Variants in CACNA2D3 observed in about 807,000 individuals in gnomAD.
CACNA2D3 encodes voltage-dependent calcium channel subunit alpha-2/delta-3.
A neutral mutation model predicts 160.6 loss-of-function variants in CACNA2D3; 60 were observed. That is an observed-to-expected ratio of 0.37 (90% confidence interval 0.30 to 0.46). The LOEUF is 0.46. Among genes scored for constraint, CACNA2D3 ranks in the 20% least tolerant of loss-of-function variants. The pLI is 1.00. For synonymous variants in CACNA2D3, 558 were observed against 492.9 expected, an observed-to-expected ratio of 1.13 and a Z score of -1.75; for missense variants, 1,205 against 1,365.0, an observed-to-expected ratio of 0.88 and a Z score of 1.85.
intron 4 of CACNA2D3, among the ~76,000 whole-genome samples, chr3:54,439,333 T>TGTGTGTGTGTGTGTGTG (rs869041749): frequency 2.0e-4 from 29 of 147,968 alleles, no homozygotes; most frequent in Middle Eastern, 3.4e-3. Flanking sequence ...GTGTGTGTGT[T>TGTGTGTGTGTGTGTGTG]TGTGTGTGAA....
At chr3:54,710,944 A>G (rs1023114193) in intron 11 of CACNA2D3, among the ~76,000 whole-genome samples, 3 of 152,204 alleles carry the variant, frequency 2.0e-5, no homozygotes, top group African/African-American at 2.4e-5. Flanking sequence ...TTTAATTACA[A>G]TCTGGGTAAA....
At chr3:54,630,470 A>C (rs1183753311) in intron 10 of CACNA2D3, among the ~76,000 whole-genome samples, 1 of 152,192 alleles carries the variant, frequency 6.6e-6, no homozygotes, top group Non-Finnish European at 1.5e-5. Flanking sequence ...GGTTGTGGTC[A>C]AGGTGAGGAG....
intron 13 of CACNA2D3, among the ~76,000 whole-genome samples, chr3:54,783,506 T>G (rs1301237709): frequency 6.6e-6 from 1 of 152,046 alleles, no homozygotes; most frequent in Admixed American, 6.6e-5. Context: ...CTCGGGAGAC[T>G]GAGGCAGGAG....
chr3:55,066,608 C>A (rs1045072563), intron 35 of CACNA2D3, among the ~76,000 whole-genome samples: 3 of 152,276 alleles, frequency 2.0e-5, no homozygotes, highest in Non-Finnish European at 4.4e-5. Flanking sequence ...AATACTCTGT[C>A]TTGTCACGGG....
chr3:54,333,389 C>T (rs1404948574), intron 3 of CACNA2D3, among the ~76,000 whole-genome samples: 1 of 151,982 alleles, frequency 6.6e-6, no homozygotes, highest in Non-Finnish European at 1.5e-5. Flanking sequence ...GCTCATTGGC[C>T]GCCTCCCTTT....
chr3:54,227,972 C>T (rs1442605254), intron 2 of CACNA2D3, among the ~76,000 whole-genome samples: 1 of 152,238 alleles, frequency 6.6e-6, no homozygotes, highest in East Asian at 1.9e-4. Context: ...AATGGAGCTC[C>T]TTTCTTGGTT....
intron 14 of CACNA2D3, among the ~76,000 whole-genome samples, chr3:54,819,248 C>T (rs1243807957): frequency 6.6e-6 from 1 of 152,224 alleles, no homozygotes; most frequent in East Asian, 1.9e-4. Flanking sequence ...TCTAAGCCTA[C>T]ATGTTTTTAT....
At chr3:54,983,280 A>G (rs1702545813) in intron 29 of CACNA2D3, among the ~76,000 whole-genome samples, 1 of 152,230 alleles carries the variant, frequency 6.6e-6, no homozygotes, top group South Asian at 2.1e-4. Flanking sequence ...TTGTGCAACT[A>G]AGGAACTGAA....
At chr3:54,646,344 A>T (rs907705865) in intron 11 of CACNA2D3, among the ~76,000 whole-genome samples, 1 of 151,588 alleles carries the variant, frequency 6.6e-6, no homozygotes, top group African/African-American at 2.4e-5. Context: ...TACTGCACAG[A>T]TCATTCTGTT....
chr3:54,175,696 G>A (rs1046079028), intron 2 of CACNA2D3, among the ~76,000 whole-genome samples: 21 of 151,716 alleles, frequency 1.4e-4, no homozygotes, highest in African/African-American at 4.1e-4. Context: ...TTATACAGGC[G>A]CCCTCGGAAT....
intron 3 of CACNA2D3, among the ~76,000 whole-genome samples, chr3:54,366,220 G>T (rs926410774): frequency 6.6e-6 from 1 of 152,192 alleles, no homozygotes; most frequent in South Asian, 2.1e-4. Context: ...TTAGGGTGTT[G>T]AAGGAGGAGT....
intron 4 of CACNA2D3, among the ~76,000 whole-genome samples, chr3:54,424,084 G>T (rs1575447349): frequency 6.6e-6 from 1 of 151,974 alleles, no homozygotes; most frequent in Non-Finnish European, 1.5e-5. Context: ...TTGTTTGTTT[G>T]TTGGGTAGTG....
intron 13 of CACNA2D3, among the ~76,000 whole-genome samples, chr3:54,788,057 T>C (rs947832155): frequency 1.3e-5 from 2 of 152,218 alleles, no homozygotes; most frequent in Non-Finnish European, 2.9e-5. Flanking sequence ...CGCCATTTTA[T>C]ACTGCTCTGT....
chr3:54,296,277 G>T (rs1703340927), intron 2 of CACNA2D3, among the ~76,000 whole-genome samples: 1 of 152,146 alleles, frequency 6.6e-6, no homozygotes. Context: ...TTTTCCAGAG[G>T]ATGTCTTTTG....
intron 3 of CACNA2D3, among the ~76,000 whole-genome samples, chr3:54,352,772 T>G (rs559241292): frequency 6.6e-6 from 1 of 152,362 alleles, no homozygotes; most frequent in East Asian, 1.9e-4. Context: ...TAGCAACAAT[T>G]AACTTCCAGA....
intron 2 of CACNA2D3, among the ~76,000 whole-genome samples, chr3:54,164,170 G>A (rs1247545264): frequency 6.6e-6 from 1 of 152,226 alleles, no homozygotes; most frequent in East Asian, 1.9e-4. Context: ...ACGGCTTTCT[G>A]TCACTGTTTC....
intron 11 of CACNA2D3, among the ~76,000 whole-genome samples, chr3:54,694,449 T>C (rs564584206): frequency 6.6e-6 from 1 of 152,328 alleles, no homozygotes; most frequent in Admixed American, 6.5e-5. Context: ...AATATACTTA[T>C]AACTTTATAG....
intron 11 of CACNA2D3, among the ~76,000 whole-genome samples, chr3:54,661,121 G>C (rs182140899): frequency 1.3e-5 from 2 of 152,286 alleles, no homozygotes; most frequent in Admixed American, 1.3e-4. Flanking sequence ...AAATGGCCAG[G>C]AAGGCTTCTG....
intron 31 of CACNA2D3, among the ~76,000 whole-genome samples, chr3:55,004,291 A>G (rs562968309): frequency 6.6e-6 from 1 of 152,198 alleles, no homozygotes. Context: ...TACAGGGCTT[A>G]TCCTGGTCCA....
Sources: gnomAD v4.1 joint callset for allele counts (sites outside exome capture counted in the v4.1 genomes callset) on GRCh38, gnomAD v4.1.1 for gene constraint, MANE v1.5 for transcripts, NCBI Gene and HGNC (gene_info 2026-07-23, HGNC 2026-07-21) for gene names.